The following FGF10 variants were observed in gnomAD, a reference collection of about 807,000 sequenced individuals.
FGF10 encodes fibroblast growth factor 10, also known as FGF-10.
A neutral mutation model predicts 19.8 loss-of-function variants in FGF10; 2 were observed. The observed-to-expected ratio is 0.10, with a 90% CI of 0.04 to 0.32. The LOEUF is 0.32. Ranked by LOEUF, FGF10 falls within the 10% of genes least tolerant of loss-of-function variation. FGF10 has a pLI of 1.00. For missense variants in FGF10, 191 were observed against 246.3 expected (o/e 0.78, Z 1.50); for synonymous variants, 112 against 94.0 (o/e 1.19, Z -1.10).
chr5:44,327,581 ATAAACAACTGCTTGTTGATTC>A (rs1740643445), intron 1 of FGF10, among the ~76,000 whole-genome samples: 1 of 152,206 alleles, frequency 6.6e-6, no homozygotes, highest in African/African-American at 2.4e-5. Flanking sequence ...ACATCCAAAT[ATAAACAACTGCTTGTTGATTC>A]TAAAATCCTG....
intron 1 of FGF10, among the ~76,000 whole-genome samples, chr5:44,316,739 A>T (rs1223727437): frequency 1.3e-5 from 2 of 152,218 alleles, no homozygotes; most frequent in African/African-American, 2.4e-5. Context: ...ATTTTTGAAC[A>T]GGTATGGGAT....
intron 1 of FGF10, among the ~76,000 whole-genome samples, chr5:44,356,630 G>A (rs765144121): frequency 2.0e-5 from 3 of 151,400 alleles, no homozygotes; most frequent in Non-Finnish European, 4.4e-5. Context: ...TCTCAAGGCA[G>A]AAAGACTCCA....
chr5:44,336,168 C>T (rs901994718), intron 1 of FGF10, among the ~76,000 whole-genome samples: 1 of 151,870 alleles, frequency 6.6e-6, no homozygotes, highest in African/African-American at 2.4e-5. Flanking sequence ...TTTATAACTG[C>T]TAATTTTTAA....
intron 1 of FGF10, among the ~76,000 whole-genome samples, chr5:44,338,001 A>G (rs986554219): frequency 2.6e-5 from 4 of 152,194 alleles, no homozygotes; most frequent in Non-Finnish European, 5.9e-5. Context: ...AACAATCTAA[A>G]TGTCCAAATA....
At chr5:44,387,484 T>A (rs1742130080) in intron 1 of FGF10, among the ~76,000 whole-genome samples, 1 of 152,192 alleles carries the variant, frequency 6.6e-6, no homozygotes, top group Non-Finnish European at 1.5e-5. Flanking sequence ...AATAAAAGAA[T>A]GACAATGAAA....
intron 1 of FGF10, among the ~76,000 whole-genome samples, chr5:44,382,039 C>T (rs1741995923): frequency 6.6e-6 from 1 of 152,102 alleles, no homozygotes; most frequent in Admixed American, 6.5e-5. Flanking sequence ...CACATACTGA[C>T]AGAATGGGTA....
intron 1 of FGF10, among the ~76,000 whole-genome samples, chr5:44,371,794 C>T (rs1345416018): frequency 6.6e-6 from 1 of 152,078 alleles, no homozygotes. Flanking sequence ...CCATTATAAG[C>T]CTGATACTTT....
chr5:44,327,383 C>A (rs1051622716), intron 1 of FGF10, among the ~76,000 whole-genome samples: 9 of 152,148 alleles, frequency 5.9e-5, no homozygotes, highest in Non-Finnish European at 1.3e-4. Context: ...CTTGCTTCAA[C>A]CACAACAAAA....
intron 1 of FGF10, among the ~76,000 whole-genome samples, chr5:44,371,502 T>C (rs367830694): frequency 2.6e-5 from 4 of 152,228 alleles, no homozygotes; most frequent in African/African-American, 7.2e-5. Context: ...CTTCTTTAAA[T>C]AGGAAAGGTT....
At chr5:44,320,045 C>T (rs73755405) in intron 1 of FGF10, among the ~76,000 whole-genome samples, 1 of 152,118 alleles carries the variant, frequency 6.6e-6, no homozygotes, top group African/African-American at 2.4e-5. Context: ...GGAGCTCGAA[C>T]ACTATTGTGA....
Position 44,310,483 on chromosome 5 carries a change from C to T in FGF10, c.373G>A (p.Ala125Thr). ...GCTAAGTAATAGTTGCTGTTAATGG[C>T]TTTGACGGCAACAACTCCGATTTCT... The part of the protein sequence containing the change: ...SVEIGVVAVK[A>T]INSNYYLAMN... Residue 125 changes from alanine (A) to threonine (T), a missense_variant, in exon 2 of 3, where the codon GCC becomes ACC. Physicochemically the swap from Ala to Thr is moderately conservative, Grantham distance 58. Coordinates refer to ENST00000264664, the MANE Select transcript of FGF10 (RefSeq NM_004465.2). 6.2e-7 allele frequency: 1 copy of T among 1,612,716 alleles called. No individual in the cohort carries two copies.
intron 1 of FGF10, among the ~76,000 whole-genome samples, chr5:44,351,578 T>C (rs926818986): frequency 1.3e-5 from 2 of 151,702 alleles, no homozygotes. Context: ...CATGCTACTC[T>C]GTAAACTTTT....
intron 1 of FGF10, among the ~76,000 whole-genome samples, chr5:44,382,494 C>T (rs1431607922): frequency 6.6e-6 from 1 of 152,088 alleles, no homozygotes; most frequent in Non-Finnish European, 1.5e-5. Flanking sequence ...TTTCCTTTCG[C>T]AAATTTTAAA....
intron 1 of FGF10, among the ~76,000 whole-genome samples, chr5:44,356,392 A>G (rs1234657844): frequency 6.6e-6 from 1 of 151,512 alleles, no homozygotes; most frequent in Non-Finnish European, 1.5e-5. Context: ...ACTTTATTAC[A>G]CAATGCATTC....
intron 1 of FGF10, among the ~76,000 whole-genome samples, chr5:44,348,771 C>T (rs767274679): frequency 2.6e-5 from 4 of 151,484 alleles, no homozygotes; most frequent in African/African-American, 9.7e-5. Flanking sequence ...TAATTGGAAG[C>T]CATTTAATAG....
chr5:44,330,581 T>G (rs1740709996), intron 1 of FGF10, among the ~76,000 whole-genome samples: 1 of 152,208 alleles, frequency 6.6e-6, no homozygotes. Context: ...AGCTATTCTT[T>G]TATTATAATG....
chr5:44,348,687 A>T (rs996935), intron 1 of FGF10, among the ~76,000 whole-genome samples: 10 of 151,332 alleles, frequency 6.6e-5, no homozygotes, highest in Middle Eastern at 3.4e-3. Context: ...TTTTATTTTA[A>T]GTGTATTTAT....
In FGF10 at chr5:44,304,781, C is replaced by A; in HGVS notation, c.*214G>T. ...ATAACTTCTATCCCATTCGATCTGC[C>A]TATATCTTGATTATAAGACATGACA... On this transcript the variant is annotated 3_prime_UTR_variant, in exon 3 of 3. Coordinates refer to ENST00000264664, the MANE Select transcript of FGF10 (RefSeq NM_004465.2). The A allele has an allele frequency of 1.8e-6, 1 of 569,604 alleles. No individual in the cohort carries two copies. The highest frequency in any genetic ancestry group is 3.1e-6 in the Non-Finnish European group (1 of 317,874). 35.3% of individuals were successfully genotyped at this position (569,604 alleles called of 1,614,324 possible).
At chr5:44,376,251 G>A (rs927348531) in intron 1 of FGF10, among the ~76,000 whole-genome samples, 5 of 151,682 alleles carry the variant, frequency 3.3e-5, no homozygotes, top group African/African-American at 7.3e-5. Context: ...ACTTGGCTAC[G>A]ATCACACAAC....
Sources: gnomAD v4.1 joint callset for allele counts (sites outside exome capture counted in the v4.1 genomes callset) on GRCh38, gnomAD v4.1.1 for gene constraint, MANE v1.5 for transcripts, NCBI Gene and HGNC (gene_info 2026-07-23, HGNC 2026-07-21) for gene names.